The following TNR variants were observed in gnomAD, a reference collection of about 807,000 sequenced individuals.
The protein encoded by TNR is tenascin-R.
A neutral mutation model predicts 150.4 loss-of-function variants in TNR; 45 were observed. The observed-to-expected ratio is 0.30, with a 90% CI of 0.24 to 0.38. The LOEUF is 0.38. TNR is among the 10% of genes least tolerant of loss of function. The pLI, the probability that TNR is intolerant of heterozygous loss-of-function variation, is 1.00. For missense variants in TNR, 1,544 were observed against 1,759.1 expected, an observed-to-expected ratio of 0.88 and a Z score of 2.19; for synonymous variants, 687 against 678.4, an observed-to-expected ratio of 1.01 and a Z score of -0.20.
intron 4 of TNR, among the ~76,000 whole-genome samples, chr1:175,399,315 C>A (rs779073142): frequency 6.6e-6 from 1 of 152,148 alleles, no homozygotes; most frequent in Non-Finnish European, 1.5e-5. Flanking sequence ...AACAAATCAG[C>A]GTATTCCTTT....
rs1417710177 is a variant in TNR at position 175,657,881 on chromosome 1, A to ATGTG, written c.-165+85344_-165+85345insCACA. ...TATATATATATATATATATATATAT[A>ATGTG]TATGTAACAAACCTGCACGTTGTGC... On this transcript the variant is annotated intron_variant, in intron 1 of 22. Transcript: ENST00000367674. Among the ~76,000 whole-genome samples, 27 of 102,914 alleles carry ATGTG rather than the reference A, an allele frequency of 2.6e-4. 2 individuals carry two copies. Among genetic ancestry groups the ATGTG allele is most frequent in the South Asian group, 1.5e-3 (4 of 2,758 alleles). The allele number at this position is 102,914 out of a possible 152,430, so 67.5% of individuals were successfully genotyped here.
At chr1:175,515,854 A>G (rs938898794) in intron 2 of TNR, among the ~76,000 whole-genome samples, 1 of 152,230 alleles carries the variant, frequency 6.6e-6, no homozygotes, top group African/African-American at 2.4e-5. Context: ...GGACTAAACT[A>G]AAGTGTATTC....
chr1:175,352,074 C>T (rs539595204), intron 18 of TNR, among the ~76,000 whole-genome samples: 8 of 152,308 alleles, frequency 5.3e-5, no homozygotes, highest in African/African-American at 1.9e-4. Context: ...TTTGATCCTA[C>T]TGAGGCCCCA....
chr1:175,497,237 C>T (rs184864074), intron 2 of TNR, among the ~76,000 whole-genome samples: 32 of 152,278 alleles, frequency 2.1e-4, no homozygotes, highest in Non-Finnish European at 3.8e-4. Flanking sequence ...CACTTCTCCT[C>T]GGTTTTGGTT....
chr1:175,318,293 G>C lies in TNR; in HGVS notation c.*5064C>G, dbSNP rs3795400. ...TTCAGTGTGGTGCCACCGGTAGAAG[G>C]CTTGTTTTGAATCTCCAATGATCCA... On this transcript the variant is annotated 3_prime_UTR_variant, in exon 23 of 23. Coordinates refer to ENST00000367674, the MANE Select transcript of TNR (RefSeq NM_003285.3). 15 of 152,206 alleles carry C rather than the reference G, an allele frequency of 9.9e-5. No homozygotes were observed. The highest frequency in any genetic ancestry group is 2.4e-4 in the African/African-American group (10 of 41,438). 9.4% of individuals were successfully genotyped at this position (152,206 alleles called of 1,614,324 possible).
intron 7 of TNR, among the ~76,000 whole-genome samples, chr1:175,387,763 C>T (rs985281297): frequency 2.6e-5 from 4 of 152,250 alleles, no homozygotes; most frequent in Non-Finnish European, 5.9e-5. Flanking sequence ...ACCTCCTACT[C>T]TGTCTCCAGA....
chr1:175,345,982 C>A (rs775716415), intron 18 of TNR, among the ~76,000 whole-genome samples: 2 of 152,150 alleles, frequency 1.3e-5, no homozygotes, highest in Non-Finnish European at 2.9e-5. Flanking sequence ...TAACATTCGA[C>A]TTCTCAATGG....
chr1:175,643,656 CT>C (rs1168130799), intron 1 of TNR, among the ~76,000 whole-genome samples: 6 of 152,300 alleles, frequency 3.9e-5, no homozygotes, highest in South Asian at 2.1e-4. Flanking sequence ...GCCTAGAGAA[CT>C]TTTAATTATT....
chr1:175,707,580 A>T (rs900395277), intron 1 of TNR, among the ~76,000 whole-genome samples: 1 of 152,228 alleles, frequency 6.6e-6, no homozygotes, highest in African/African-American at 2.4e-5. Context: ...ATTGGAACTC[A>T]TCCTCCACCA....
chr1:175,689,462 G>T (rs979529479), intron 1 of TNR, among the ~76,000 whole-genome samples: 6 of 152,180 alleles, frequency 3.9e-5, no homozygotes, highest in African/African-American at 1.4e-4. Context: ...GGGAAATGAT[G>T]CTGGGAGCAG....
intron 16 of TNR, among the ~76,000 whole-genome samples, chr1:175,356,070 G>A (rs978078195): frequency 3.9e-5 from 6 of 152,056 alleles, no homozygotes; most frequent in South Asian, 2.1e-4. Context: ...GATGCATTCC[G>A]AGTACAGACC....
rs544442478 is a variant in TNR, at chr1:175,332,773, C to T, written c.3632-2538G>A. ...CTCCATTCTTCTGACTGACTCATCC[C>T]TCAATGCCTTCTCCAGGAAGCTGGT... On this transcript the variant is annotated intron_variant, in intron 20 of 22. Transcript: ENST00000367674. Among the ~76,000 whole-genome samples, 3 of 152,280 alleles carry T rather than the reference C, an allele frequency of 2.0e-5. No individual in the cohort carries two copies. The South Asian group carries it at 6.2e-4, about 32-fold the overall frequency.
chr1:175,736,267 A>G (rs1453778736), intron 1 of TNR, among the ~76,000 whole-genome samples: 5 of 152,208 alleles, frequency 3.3e-5, no homozygotes, highest in Non-Finnish European at 7.3e-5. Context: ...CACGCCTGTA[A>G]TCCCAGCACT....
At chr1:175,639,546 C>T (rs1664588919) in intron 1 of TNR, among the ~76,000 whole-genome samples, 1 of 152,182 alleles carries the variant, frequency 6.6e-6, no homozygotes, top group Non-Finnish European at 1.5e-5. Flanking sequence ...TTTTTACCAA[C>T]CCATGAATCA....
At chr1:175,667,148 T>A (rs1665552740) in intron 1 of TNR, among the ~76,000 whole-genome samples, 1 of 152,108 alleles carries the variant, frequency 6.6e-6, no homozygotes, top group Non-Finnish European at 1.5e-5. Context: ...AAGTCCCAGA[T>A]CATACACAAC....
At chr1:175,650,845 A>G in intron 1 of TNR, among the ~76,000 whole-genome samples, 1 of 35,938 alleles carries the variant, frequency 2.8e-5, no homozygotes. Flanking sequence ...CCCCCACCTC[A>G]TTACTACCCA....
Position 175,321,548 on chromosome 1 carries a change from A to T in TNR, c.*1809T>A, listed in dbSNP as rs1649052889. On this transcript the variant is annotated 3_prime_UTR_variant, in exon 23 of 23. Coordinates refer to ENST00000367674, the MANE Select transcript of TNR (RefSeq NM_003285.3). Reference sequence around the variant, plus strand: ...AGGAATGGGAGAGGAAAGGGAGAAGACAGCTCAGGGAACTGGGCATGGATC... The same window carrying T: ...AGGAATGGGAGAGGAAAGGGAGAAGTCAGCTCAGGGAACTGGGCATGGATC... 6.6e-6 allele frequency: 1 copy of T among 152,602 alleles called. No individual in the cohort carries two copies. The allele number at this position is 152,602 out of a possible 1,614,324, so 9.5% of individuals were successfully genotyped here.
At chr1:175,506,003 G>A (rs1658944370) in intron 2 of TNR, among the ~76,000 whole-genome samples, 1 of 152,232 alleles carries the variant, frequency 6.6e-6, no homozygotes, top group South Asian at 2.1e-4. Flanking sequence ...TCACACCACT[G>A]CACTCCAGCC....
At chr1:175,544,292 G>T (rs1290748081) in intron 1 of TNR, among the ~76,000 whole-genome samples, 1 of 152,206 alleles carries the variant, frequency 6.6e-6, no homozygotes, top group African/African-American at 2.4e-5. Flanking sequence ...TTCAAGCAAA[G>T]GATAGTGAGA....
Sources: gnomAD v4.1 joint callset for allele counts (sites outside exome capture counted in the v4.1 genomes callset) on GRCh38, gnomAD v4.1.1 for gene constraint, MANE v1.5 for transcripts, NCBI Gene and HGNC (gene_info 2026-07-23, HGNC 2026-07-21) for gene names.